RFC1: variants seen among roughly 807,000 people sequenced by gnomAD.
The protein encoded by RFC1 is replication factor C subunit 1.
A neutral mutation model predicts 137.4 loss-of-function variants in RFC1; 37 were observed. The observed-to-expected ratio is 0.27, with a 90% CI of 0.21 to 0.35. RFC1 has a LOEUF of 0.35. RFC1 is among the 10% of genes least tolerant of loss of function. RFC1 has a pLI of 1.00. For synonymous variants in RFC1, 429 were observed against 455.7 expected (o/e 0.94, Z 0.75); for missense variants, 1,205 against 1,358.5 (o/e 0.89, Z 1.78).
intron 21 of RFC1, chr4:39,297,489 A>G (rs1360887992): frequency 6.8e-6 from 1 of 147,696 alleles, no homozygotes; most frequent in African/African-American, 2.5e-5. Context: ...CAGTTTTCCC[A>G]GCACCATTTA....
intron 4 of RFC1, among the ~76,000 whole-genome samples, chr4:39,334,783 T>C (rs542808396): frequency 3.0e-4 from 45 of 152,342 alleles, no homozygotes; most frequent in African/African-American, 9.4e-4. Flanking sequence ...CACCATTTAT[T>C]TTTATTTATA....
intron 22 of RFC1, among the ~76,000 whole-genome samples, chr4:39,294,864 C>A (rs1184469369): frequency 6.6e-6 from 1 of 152,008 alleles, no homozygotes; most frequent in Non-Finnish European, 1.5e-5. Flanking sequence ...ATTAGCCGGA[C>A]ACGGTGGCGT....
At position 39,320,564 on chromosome 4, in the gene RFC1, T is replaced by C. The variant is rs374128143; in HGVS notation, c.914A>G (p.Asp305Gly). ...ESQQHSKSSA[D>G]KIGEVSSPKA... ...GGGAGAAGAGACTTCTCCTATTTTG[T>C]CAGCTGATGACTTGGAATGTTGCTG... Residue 305 changes from aspartate (D) to glycine (G), a missense_variant, in exon 9 of 25, where the codon GAC (aspartate) becomes GGC (glycine). Physicochemically the swap from Asp to Gly is moderately conservative, Grantham distance 94. Coordinates refer to ENST00000349703, the MANE Select transcript of RFC1 (RefSeq NM_002913.5). The C allele has an allele frequency of 2.5e-6, 4 of 1,613,866 alleles. No homozygotes were observed. Among genetic ancestry groups the C allele is most frequent in the Middle Eastern group, 1.6e-4 (1 of 6,062 alleles).
At position 39,327,669 on chromosome 4, in the gene RFC1, T is replaced by A; in HGVS notation, c.419A>T (p.Asn140Ile). Reference protein sequence around the residue: ...RSTNSHLGTSNMKKNEENTKT... With the variant: ...RSTNSHLGTSIMKKNEENTKT... ...AGTGTTTTCTTCATTCTTTTTCATG[T>A]TTGATGTTCCAAGATGACTATTTGT... The change falls in exon 5 of 25, where the codon AAC becomes ATC. Residue 140 changes from asparagine (N) to isoleucine (I), a missense_variant. Coordinates refer to ENST00000349703, the MANE Select transcript of RFC1 (RefSeq NM_002913.5). 6.2e-7 allele frequency: 1 copy of A among 1,613,732 alleles called. No homozygotes were observed. The highest frequency in any genetic ancestry group is 8.5e-7 in the Non-Finnish European group (1 of 1,179,866).
chr4:39,350,627 T>C (rs1366222554), intron 2 of RFC1, among the ~76,000 whole-genome samples: 2 of 152,114 alleles, frequency 1.3e-5, no homozygotes, highest in Non-Finnish European at 2.9e-5. Context: ...CAAAATTCCA[T>C]ATCCAGCAAA....
At chr4:39,293,231 C>T (rs1737787952) in intron 22 of RFC1, among the ~76,000 whole-genome samples, 1 of 152,084 alleles carries the variant, frequency 6.6e-6, no homozygotes, top group Admixed American at 6.5e-5. Flanking sequence ...AGTGTGAGTC[C>T]CTAAGCCACA....
At position 39,300,334 on chromosome 4, in the gene RFC1, G is replaced by C. The variant is rs764882418; in HGVS notation, c.2616C>G (p.Leu872=). 4 of 1,614,040 alleles carry C rather than the reference G, an allele frequency of 2.5e-6. No individual in the cohort carries two copies. The highest frequency in any genetic ancestry group is 3.4e-6 in the Non-Finnish European group (4 of 1,179,952). The change falls in exon 20 of 25, where the codon CTC becomes CTG. Residue 872 remains leucine (L), a synonymous_variant. Coordinates refer to ENST00000349703, the MANE Select transcript of RFC1 (RefSeq NM_002913.5). ...GTGCTATTGAATAATCATGAAAAAA[G>C]AGATCTGACTTGTCCACAAGTGACA... is the stretch of plus-strand genomic sequence containing the variant. ...AHMSLVDKSD[L]FFHDYSIAPL...
chr4:39,335,803 C>G (rs1036459427), intron 4 of RFC1, among the ~76,000 whole-genome samples: 4 of 152,236 alleles, frequency 2.6e-5, no homozygotes, highest in African/African-American at 9.6e-5. Context: ...ATCTTCCCCA[C>G]ACAAGAGGAG....
At chr4:39,299,353 T>TTTCC (rs1318203786) in intron 21 of RFC1, among the ~76,000 whole-genome samples, 3 of 152,156 alleles carry the variant, frequency 2.0e-5, no homozygotes, top group Non-Finnish European at 4.4e-5. Context: ...CACCTCTGTA[T>TTTCC]TTCCGTGTGT....
At chr4:39,338,728 T>C (rs1337957512) in intron 4 of RFC1, among the ~76,000 whole-genome samples, 1 of 152,216 alleles carries the variant, frequency 6.6e-6, no homozygotes, top group East Asian at 1.9e-4. Context: ...CAAATTAACA[T>C]ATCCATCATC....
chr4:39,313,399 G>A (rs17288328), intron 10 of RFC1, among the ~76,000 whole-genome samples: 112 of 152,232 alleles, frequency 7.4e-4, no homozygotes, highest in African/African-American at 2.4e-3. Flanking sequence ...TTAATGTTTC[G>A]AAACAATGTA....
rs1737501819 is a variant in RFC1, at chr4:39,288,703, C to A, written c.*58G>T. 8 of 1,085,864 alleles carry A rather than the reference C, an allele frequency of 7.4e-6. No homozygotes were observed. The highest frequency in any genetic ancestry group is 8.4e-6 in the Non-Finnish European group (6 of 715,020). 67.3% of individuals were successfully genotyped at this position (1,085,864 alleles called of 1,614,324 possible). On this transcript the variant is annotated 3_prime_UTR_variant, in exon 25 of 25. Coordinates refer to ENST00000349703, the MANE Select transcript of RFC1 (RefSeq NM_002913.5). ...GGGAAAAAACAAGGCTTTCTCTAGA[C>A]CAGCTGGACTGGTCAGGAGGGAGAG... is the stretch of plus-strand genomic sequence containing the variant.
chr4:39,308,517 G>A (rs1738797208), intron 13 of RFC1, 119 bp downstream of exon 13: 4 of 1,383,902 alleles, frequency 2.9e-6, no homozygotes, highest in Non-Finnish European at 4.0e-6. Flanking sequence ...TTCAGATCAA[G>A]CTCTTAATAA....
intron 4 of RFC1, 29 bp downstream of exon 4, chr4:39,342,316 G>T: frequency 1.3e-6 from 2 of 1,596,872 alleles, no homozygotes; most frequent in Non-Finnish European, 1.7e-6. Flanking sequence ...AACACACACG[G>T]CATCTCATAT....
Position 39,295,686 on chromosome 4 carries a change from C to T in RFC1, c.2882G>A (p.Trp961Ter). Reference sequence around the variant, plus strand: ...GCCTGTAGACGAGTGCTTCCCCAGCCAGCTTGGGAAGGTGGGAAACTGGGT... The same window carrying T: ...GCCTGTAGACGAGTGCTTCCCCAGCTAGCTTGGGAAGGTGGGAAACTGGGT... ...YMTQFPTFPS[W>*]LGKHSSTGKH... Residue 961 changes from tryptophan (W) to a stop codon, truncating the protein, a stop_gained, in exon 22 of 25, where the codon TGG (tryptophan) becomes TAG (stop). Transcript: ENST00000349703. LOFTEE classifies it high-confidence loss of function. 1 of 1,613,436 alleles carries T rather than the reference C, an allele frequency of 6.2e-7. No individual in the cohort carries two copies. The highest frequency in any genetic ancestry group is 8.5e-7 in the Non-Finnish European group (1 of 1,179,516).
At chr4:39,339,940 G>A (rs1313609704) in intron 4 of RFC1, among the ~76,000 whole-genome samples, 1 of 152,090 alleles carries the variant, frequency 6.6e-6, no homozygotes, top group Non-Finnish European at 1.5e-5. Flanking sequence ...GTCTTTAAAG[G>A]CAGATGTAGG....
chr4:39,304,970 T>A, intron 14 of RFC1, 42 bp from the exon 15 acceptor site: 5 of 1,147,654 alleles, frequency 4.4e-6, no homozygotes, highest in Non-Finnish European at 6.6e-6. Flanking sequence ...CAATACAAAT[T>A]AACTCCACCA....
chr4:39,305,029 T>C (rs1738567691), intron 14 of RFC1, 101 bp from the exon 15 acceptor site: 6 of 749,460 alleles, frequency 8.0e-6, no homozygotes, highest in Non-Finnish European at 1.5e-5. Context: ...ACAAAATTAA[T>C]ATAAAAACCC....
At chr4:39,343,555 A>C (rs1251714229) in intron 3 of RFC1, among the ~76,000 whole-genome samples, 1 of 152,192 alleles carries the variant, frequency 6.6e-6, no homozygotes, top group Non-Finnish European at 1.5e-5. Context: ...GATGTTTCAT[A>C]AACTTTAGTG....
Sources: gnomAD v4.1 joint callset for allele counts (sites outside exome capture counted in the v4.1 genomes callset) on GRCh38, gnomAD v4.1.1 for gene constraint, MANE v1.5 for transcripts, NCBI Gene and HGNC (gene_info 2026-07-23, HGNC 2026-07-21) for gene names.